The following CMIP variants were observed in gnomAD, a reference collection of about 807,000 sequenced individuals.
CMIP encodes c-Maf inducing protein, also known as C-Maf-inducing protein.
In CMIP, 13 loss-of-function variants were observed where a neutral mutation model predicts 97.3. That is an observed-to-expected ratio of 0.13 (90% CI 0.09 to 0.21). The LOEUF (loss-of-function observed/expected upper bound fraction) is 0.21. Among genes scored for constraint, CMIP ranks in the 10% least tolerant of loss-of-function variants. CMIP has a pLI of 1.00. For synonymous variants in CMIP, 538 were observed against 436.3 expected (o/e 1.23, Z -2.91); for missense variants, 847 against 1,024.9 (o/e 0.83, Z 2.37).
intron 5 of CMIP, among the ~76,000 whole-genome samples, 182 bp downstream of exon 5, chr16:81,657,998 G>C (rs188818980): frequency 7.1e-4 from 108 of 152,058 alleles, no homozygotes; most frequent in African/African-American, 2.6e-3. Context: ...CAGAGCCCCA[G>C]TTGATAGGAG....
intron 1 of CMIP, chr16:81,476,116 GTCT>G: frequency 1.1e-6 from 1 of 878,224 alleles, no homozygotes; most frequent in Non-Finnish European, 1.9e-6. Flanking sequence ...CAGTCTTCAC[GTCT>G]TCTTTCACCT....
At chr16:81,459,746 C>T (rs1467335361) in intron 1 of CMIP, among the ~76,000 whole-genome samples, 3 of 152,202 alleles carry the variant, frequency 2.0e-5, no homozygotes, top group Admixed American at 1.3e-4. Flanking sequence ...TAGACTTCCA[C>T]CCCAAGCAGG....
intron 1 of CMIP, among the ~76,000 whole-genome samples, chr16:81,514,969 A>G (rs1318729536): frequency 6.6e-6 from 1 of 152,166 alleles, no homozygotes; most frequent in Non-Finnish European, 1.5e-5. Context: ...TCCCCTGAGC[A>G]TCGTTGTTCG....
intron 9 of CMIP, among the ~76,000 whole-genome samples, chr16:81,677,080 GA>G (rs1336669760): frequency 6.6e-6 from 1 of 152,182 alleles, no homozygotes; most frequent in Non-Finnish European, 1.5e-5. Flanking sequence ...GGGATGTTTG[GA>G]AGTGTACCCA....
intron 1 of CMIP, among the ~76,000 whole-genome samples, chr16:81,516,305 T>C (rs575912915): frequency 7.9e-5 from 12 of 152,358 alleles, no homozygotes; most frequent in African/African-American, 2.9e-4. Context: ...AAAATACACA[T>C]GGAATCGCGC....
chr16:81,649,608 T>G (rs988403286), intron 3 of CMIP, among the ~76,000 whole-genome samples: 4 of 152,258 alleles, frequency 2.6e-5, no homozygotes, highest in African/African-American at 9.6e-5. Flanking sequence ...AAACTTATCC[T>G]CTTCTTTGTG....
intron 10 of CMIP, among the ~76,000 whole-genome samples, chr16:81,691,318 T>G (rs1906042409): frequency 6.6e-6 from 1 of 152,200 alleles, no homozygotes; most frequent in Non-Finnish European, 1.5e-5. Context: ...TTTCCTCTTC[T>G]TCTAAGGACA....
At chr16:81,684,279 G>A (rs1201065422) in intron 10 of CMIP, among the ~76,000 whole-genome samples, 1 of 152,272 alleles carries the variant, frequency 6.6e-6, no homozygotes, top group Non-Finnish European at 1.5e-5. Context: ...CCCCGAGCTA[G>A]CTGGTTTGCC....
chr16:81,667,785 AGAGAGAGAGAGAGAGTGTGTGTGTGTGT>A (rs1488550813), intron 7 of CMIP, among the ~76,000 whole-genome samples: 10 of 124,380 alleles, frequency 8.0e-5, no homozygotes, highest in African/African-American at 3.2e-4. Flanking sequence ...AGAGAGAGAG[AGAGAGAGAGAGAGAGTGTGTGTGTGTGT>A]GTGTGTGTGT....
chr16:81,479,151 C>G (rs1346731135), intron 1 of CMIP, among the ~76,000 whole-genome samples: 1 of 152,162 alleles, frequency 6.6e-6, no homozygotes, highest in Non-Finnish European at 1.5e-5. Context: ...TTAATCTGGC[C>G]TTGCCCCACA....
intron 2 of CMIP, 54 bp from the exon 3 acceptor site, chr16:81,620,822 T>G (rs1229218651): frequency 9.3e-4 from 1,464 of 1,575,258 alleles, no homozygotes; most frequent in Non-Finnish European, 1.2e-3. Flanking sequence ...TGAAATGCCC[T>G]GAGATGCCGC....
rs147577891 is a variant in CMIP, at chr16:81,589,467, A to G, written c.301-18100A>G. 4.1e-4 allele frequency among the ~76,000 whole-genome samples: 62 copies of G among 151,596 alleles called. No individual in the cohort carries two copies. The East Asian group carries it at 0.011, about 26-fold the overall frequency. ...CCTATATTAGAAGCACAGTAGAAAC[A>G]TATATGCAGACTTGTGTTTTTTTTT... On this transcript the variant is annotated intron_variant, in intron 1 of 20. Coordinates refer to ENST00000537098, the MANE Select transcript of CMIP (RefSeq NM_198390.3).
rs1168473158 is a variant in CMIP at position 81,470,985 on chromosome 16, T to C, written c.300+25444T>C. ...ACACACATGCACACAGGCACAAACG[T>C]GCATACACACATGCACACAGGCACA... On this transcript the variant is annotated intron_variant, in intron 1 of 20. Transcript: ENST00000537098. 2.6e-5 allele frequency among the ~76,000 whole-genome samples: 4 copies of C among 151,684 alleles called. No individual in the cohort carries two copies. The East Asian group carries it at 7.7e-4, about 29-fold the overall frequency.
intron 1 of CMIP, chr16:81,463,914 G>T (rs114406059): frequency 6.6e-6 from 1 of 152,246 alleles, no homozygotes; most frequent in Admixed American, 6.5e-5. Flanking sequence ...AATGAAGTAG[G>T]TGTTGGTTGG....
At chr16:81,599,811 C>T (rs964445578) in intron 1 of CMIP, among the ~76,000 whole-genome samples, 1 of 152,142 alleles carries the variant, frequency 6.6e-6, no homozygotes, top group Non-Finnish European at 1.5e-5. Context: ...AGCCTCCCCG[C>T]CTTAGCATTG....
chr16:81,613,212 G>C (rs1013196317), intron 2 of CMIP, among the ~76,000 whole-genome samples: 1 of 152,196 alleles, frequency 6.6e-6, no homozygotes, highest in Non-Finnish European at 1.5e-5. Flanking sequence ...TAGTTTCAAG[G>C]TGAGGTCTCC....
chr16:81,649,665 T>C (rs1190491028), intron 3 of CMIP, among the ~76,000 whole-genome samples: 1 of 152,254 alleles, frequency 6.6e-6, no homozygotes, highest in African/African-American at 2.4e-5. Context: ...GCATCATCTT[T>C]CGCAAAAGAA....
At chr16:81,684,783 G>A (rs1485656961) in intron 10 of CMIP, among the ~76,000 whole-genome samples, 1 of 152,190 alleles carries the variant, frequency 6.6e-6, no homozygotes, top group Non-Finnish European at 1.5e-5. Flanking sequence ...CTGCTTGTCC[G>A]TCCCCTCCGT....
At chr16:81,532,707 G>C (rs1188832803) in intron 1 of CMIP, among the ~76,000 whole-genome samples, 4 of 152,194 alleles carry the variant, frequency 2.6e-5, no homozygotes, top group Non-Finnish European at 4.4e-5. Context: ...GAAGGTGGAG[G>C]TGTGACATCA....
Sources: gnomAD v4.1 joint callset for allele counts (sites outside exome capture counted in the v4.1 genomes callset) on GRCh38, gnomAD v4.1.1 for gene constraint, MANE v1.5 for transcripts, NCBI Gene and HGNC (gene_info 2026-07-23, HGNC 2026-07-21) for gene names.